BICRA: variants seen among roughly 807,000 people sequenced by gnomAD.
BICRA encodes the protein BRD4-interacting chromatin-remodeling complex-associated protein.
BICRA carries 31 observed loss-of-function variants against 96.9 expected under a neutral mutation model. The observed-to-expected ratio is 0.32, with a 90% CI of 0.24 to 0.43. The LOEUF (loss-of-function observed/expected upper bound fraction) is 0.43. Ranked by LOEUF, BICRA falls within the 20% of genes least tolerant of loss-of-function variation. The probability of loss-of-function intolerance (pLI) is 1.00; values close to 1 mark genes in which losing one functional copy is unlikely to be tolerated. For synonymous variants in BICRA, 1,350 were observed against 1,071.8 expected, an observed-to-expected ratio of 1.26 and a Z score of -5.07; for missense variants, 2,283 against 2,190.3, an observed-to-expected ratio of 1.04 and a Z score of -0.84.
chr19:47,673,890 G>T, intron 4 of BICRA, 128 bp downstream of exon 4: 1 of 822,898 alleles, frequency 1.2e-6, no homozygotes. Flanking sequence ...GCCAGGCACT[G>T]GAGTTACGGC....
At position 47,698,481 on chromosome 19, in the gene BICRA, G is replaced by A. The variant is rs1405676081; in HGVS notation, c.3249-153G>A. Among the ~76,000 whole-genome samples, 5 of 152,298 alleles carry A rather than the reference G, an allele frequency of 3.3e-5. No homozygotes were observed. The highest frequency in any genetic ancestry group is 9.6e-5 in the African/African-American group (4 of 41,558). On this transcript the variant is annotated intron_variant, in intron 11 of 14. Coordinates refer to ENST00000594866, the MANE Select transcript of BICRA (RefSeq NM_001394372.1). The surrounding 1 kb of genome is among the most constrained non-coding windows in gnomAD (Gnocchi z 4.8). ...GGACTCAGTGAGATGGAACAAGCAC[G>A]TTCAGTACATGGGAACACCACTGCC...
At chr19:47,619,638 G>C (rs1326567867) in intron 1 of BICRA, among the ~76,000 whole-genome samples, 1 of 150,494 alleles carries the variant, frequency 6.6e-6, no homozygotes, top group Non-Finnish European at 1.5e-5. Context: ...GCTCACACCT[G>C]TAATCCCAGC....
intron 5 of BICRA, among the ~76,000 whole-genome samples, chr19:47,678,044 GT>G (rs1335175876): frequency 6.6e-6 from 1 of 152,142 alleles, no homozygotes; most frequent in Non-Finnish European, 1.5e-5. Context: ...AGCTTTTTGG[GT>G]TTTGTAATTA....
Position 47,694,673 on chromosome 19 carries a change from A to AC in BICRA, c.2847dup (p.Phe950LeufsTer115). 6.8e-7 allele frequency: 1 copy of AC among 1,463,784 alleles called. No homozygotes were observed. The highest frequency in any genetic ancestry group is 2.6e-5 in the East Asian group (1 of 37,854). The allele number at this position is 1,463,784 out of a possible 1,614,324, so 90.7% of individuals were successfully genotyped here. On this transcript the variant is annotated frameshift_variant, in exon 8 of 15. Coordinates refer to ENST00000594866, the MANE Select transcript of BICRA (RefSeq NM_001394372.1). LOFTEE classifies it high-confidence loss of function. ...TCCTCGGACCTTCCAGATGGTGACC[A>AC]CCCCCTTCCCAGCGCTGCCCCAGCC...
chr19:47,680,570 C>G lies in BICRA; in HGVS notation c.1400C>G (p.Pro467Arg). Reference sequence around the variant, plus strand: ...GTCATCCCCGCCCAGCACATGCTGCCGGGCCAGAACCAGTTCCTACTGCCT... The same window carrying G: ...GTCATCCCCGCCCAGCACATGCTGCGGGGCCAGAACCAGTTCCTACTGCCT... Reference protein sequence around the residue: ...SIVIPAQHMLPGQNQFLLPGA... With the variant: ...SIVIPAQHMLRGQNQFLLPGA... The change falls in exon 6 of 15, where the codon CCG becomes CGG. Residue 467 changes from proline to arginine, a missense_variant. By Grantham distance (103) the Pro-to-Arg change is moderately radical. Coordinates refer to ENST00000594866, the MANE Select transcript of BICRA (RefSeq NM_001394372.1). The G allele has an allele frequency of 1.2e-6, 2 of 1,600,708 alleles. No homozygotes were observed. Among genetic ancestry groups the G allele is most frequent in the Non-Finnish European group, 1.7e-6 (2 of 1,174,628 alleles).
At chr19:47,620,949 G>A (rs994058575) in intron 1 of BICRA, among the ~76,000 whole-genome samples, 1 of 152,056 alleles carries the variant, frequency 6.6e-6, no homozygotes, top group African/African-American at 2.4e-5. Flanking sequence ...AGCCCCACTC[G>A]ATCTCTGTCT....
chr19:47,643,742 G>C (rs547127575), intron 1 of BICRA, among the ~76,000 whole-genome samples: 2 of 152,272 alleles, frequency 1.3e-5, no homozygotes, highest in Admixed American at 1.3e-4. Flanking sequence ...ATCGGGCTCT[G>C]GACTCACGAA....
chr19:47,677,434 C>T (rs1190520556), intron 5 of BICRA, among the ~76,000 whole-genome samples: 3 of 152,216 alleles, frequency 2.0e-5, no homozygotes, highest in South Asian at 2.1e-4. Flanking sequence ...CGGTGGCTCA[C>T]GCCTGTAATC....
At chr19:47,692,008 G>A (rs565507240) in intron 7 of BICRA, among the ~76,000 whole-genome samples, 22 of 152,300 alleles carry the variant, frequency 1.4e-4, no homozygotes, top group African/African-American at 5.1e-4. Context: ...TTTACCAGGT[G>A]CCCAGGGATC....
chr19:47,702,460 CG>C lies in BICRA; in HGVS notation c.*48del. On this transcript the variant is annotated 3_prime_UTR_variant, in exon 15 of 15. Transcript: ENST00000594866. Reference sequence around the variant, plus strand: ...CCCCGTCCCCTCCTCCCGAAGACGCCGGGACAGTCGGGTGTCCGCCCTCAGC... The same window carrying C: ...CCCCGTCCCCTCCTCCCGAAGACGCCGGACAGTCGGGTGTCCGCCCTCAGC... 7 of 1,425,172 alleles carry C rather than the reference CG, an allele frequency of 4.9e-6. No homozygotes were observed. The highest frequency in any genetic ancestry group is 6.4e-6 in the Non-Finnish European group (7 of 1,100,778). 88.3% of individuals were successfully genotyped at this position (1,425,172 alleles called of 1,614,324 possible). A position where few individuals can be genotyped will look rare whatever the true frequency, so the allele number is the denominator to read the frequency against.
In BICRA at chr19:47,701,337, T is replaced by C; in HGVS notation, c.3605T>C (p.Val1202Ala). 6.2e-7 allele frequency: 1 copy of C among 1,610,392 alleles called. No homozygotes were observed. The highest frequency in any genetic ancestry group is 8.5e-7 in the Non-Finnish European group (1 of 1,178,946). The change falls in exon 15 of 15, where the codon GTG becomes GCG. Residue 1202 changes from valine to alanine, a missense_variant. Transcript: ENST00000594866. The surrounding 1 kb of genome is among the most constrained non-coding windows in gnomAD (Gnocchi z 5.4). ...QLAKEKPDEYVSSSRSLGLPI... is the reference protein window; with the variant it reads ...QLAKEKPDEYASSSRSLGLPI... ...TGCCCCGATTCTGCAGACGAGTACG[T>C]GTCTTCCTCCCGCTCGCTCGGCCTC...
rs769336163 is a variant in BICRA at position 47,679,625 on chromosome 19, T to A, written c.455T>A (p.Val152Glu). The change falls in exon 6 of 15, where the codon GTG (valine) becomes GAG (glutamate). Residue 152 changes from valine to glutamate, a missense_variant. Val to Glu is a moderately radical substitution (Grantham distance 121, BLOSUM62 -2). Transcript: ENST00000594866. ...GPTGAGGAAA[V>E]AAGPQALFPG... ...ACGGGCGCTGGAGGGGCAGCGGCCG[T>A]GGCTGCGGGGCCCCAAGCCCTCTTC... 6.6e-7 allele frequency: 1 copy of A among 1,515,556 alleles called. No individual in the cohort carries two copies. The highest frequency in any genetic ancestry group is 1.3e-5 in the South Asian group (1 of 79,420). The allele number at this position is 1,515,556 out of a possible 1,614,324, so 93.9% of individuals were successfully genotyped here. A position where few individuals can be genotyped will look rare whatever the true frequency, so the allele number is the denominator to read the frequency against.
chr19:47,675,946 G>T lies in BICRA; in HGVS notation c.150+30G>T. ...GTGCCGTGGCTCCCGATCATTGCCT[G>T]AGCTGTTGGGGCTGCCAGCGGGAGG... On this transcript the variant is annotated intron_variant, in intron 5 of 14. Coordinates refer to ENST00000594866, the MANE Select transcript of BICRA (RefSeq NM_001394372.1). The surrounding 1 kb of genome is among the most constrained non-coding windows in gnomAD (Gnocchi z 4.7). 6.5e-7 allele frequency: 1 copy of T among 1,528,362 alleles called. No homozygotes were observed. The highest frequency in any genetic ancestry group is 9.0e-7 in the Non-Finnish European group (1 of 1,113,366). 94.7% of individuals were successfully genotyped at this position (1,528,362 alleles called of 1,614,324 possible).
chr19:47,614,707 C>A (rs1971958866), intron 1 of BICRA, among the ~76,000 whole-genome samples: 1 of 152,206 alleles, frequency 6.6e-6, no homozygotes, highest in South Asian at 2.1e-4. Context: ...TTCCACGCTT[C>A]ATCTCCCTGG....
intron 1 of BICRA, among the ~76,000 whole-genome samples, chr19:47,622,612 T>C (rs1972080529): frequency 6.7e-6 from 1 of 149,800 alleles, no homozygotes; most frequent in Admixed American, 6.7e-5. Context: ...TAGTCCCAGC[T>C]ACTCGGGAGA....
upstream of BICRA, chr19:47,608,467 T>G (rs1439327110): frequency 6.6e-6 from 1 of 152,152 alleles, no homozygotes; most frequent in Non-Finnish European, 1.5e-5. Context: ...GCGCTCCCCC[T>G]GGACGCGTCC....
chr19:47,619,577 T>C (rs1017625987), intron 1 of BICRA, among the ~76,000 whole-genome samples: 3 of 151,140 alleles, frequency 2.0e-5, no homozygotes, highest in African/African-American at 4.9e-5. Context: ...TCCTTTTTCA[T>C]TGAAGTGTAA....
chr19:47,662,140 A>C (rs1972713436), intron 1 of BICRA: 1 of 152,336 alleles, frequency 6.6e-6, no homozygotes, highest in Non-Finnish European at 1.5e-5. Context: ...ATAATAATAA[A>C]CAGAAAAAAG....
intron 1 of BICRA, among the ~76,000 whole-genome samples, chr19:47,647,755 C>CA (rs1196545518): frequency 1.3e-5 from 2 of 152,074 alleles, no homozygotes; most frequent in African/African-American, 4.8e-5. Flanking sequence ...TGTGCTTTTC[C>CA]ATGGTGCCTG....
Sources: gnomAD v4.1 joint callset for allele counts (sites outside exome capture counted in the v4.1 genomes callset) on GRCh38, gnomAD v4.1.1 for gene constraint, Gnocchi (gnomAD v3.1) non-coding constraint, MANE v1.5 for transcripts, NCBI Gene and HGNC (gene_info 2026-07-23, HGNC 2026-07-21) for gene names.